Variants in NUP210L observed in about 807,000 individuals in gnomAD.
NUP210L encodes nucleoporin 210 like.
In NUP210L, 74 loss-of-function variants were observed where a neutral mutation model predicts 208.5. The observed-to-expected ratio is 0.35, with a 90% CI of 0.29 to 0.43. NUP210L has a LOEUF of 0.43. Among genes scored for constraint, NUP210L ranks in the 20% least tolerant of loss-of-function variants. The pLI is 1.00. For synonymous variants in NUP210L, 780 were observed against 816.9 expected (o/e 0.95, Z 0.77); for missense variants, 1,843 against 2,289.4 (o/e 0.81, Z 3.98).
chr1:154,124,848 A>T (rs1657802580), intron 10 of NUP210L, among the ~76,000 whole-genome samples: 1 of 152,154 alleles, frequency 6.6e-6, no homozygotes, highest in Non-Finnish European at 1.5e-5. Context: ...GCTACTTGGA[A>T]GGCTAAGGCA....
intron 34 of NUP210L, 97 bp from the exon 35 acceptor site, chr1:154,010,218 T>C: frequency 8.3e-7 from 1 of 1,206,530 alleles, no homozygotes; most frequent in Non-Finnish European, 1.2e-6. Flanking sequence ...ATAAAAAAAA[T>C]AAGCAAGAAA....
At chr1:154,064,085 G>A (rs1654275669) in intron 17 of NUP210L, among the ~76,000 whole-genome samples, 1 of 151,492 alleles carries the variant, frequency 6.6e-6, no homozygotes, top group Admixed American at 6.6e-5. Context: ...TAGAGGTGGT[G>A]GGGGGTCTCA....
chr1:153,995,903 C>T (rs777293697), intron 37 of NUP210L: 8 of 538,796 alleles, frequency 1.5e-5, no homozygotes, highest in South Asian at 4.3e-5. Flanking sequence ...CTCTCCTTAT[C>T]GAGGAGCAGA....
intron 35 of NUP210L, among the ~76,000 whole-genome samples, chr1:154,006,966 A>ATATATTT (rs1211789619): frequency 8.6e-6 from 1 of 115,806 alleles, no homozygotes; most frequent in Non-Finnish European, 1.7e-5. Context: ...ATATATATAT[A>ATATATTT]TTTTTTTTTT....
At chr1:154,031,580 T>A (rs1276906213) in intron 27 of NUP210L, among the ~76,000 whole-genome samples, 4 of 124,096 alleles carry the variant, frequency 3.2e-5, no homozygotes, top group African/African-American at 1.2e-4. Flanking sequence ...TCTGTCTCCA[T>A]GAGTTCAATT....
intron 11 of NUP210L, 32 bp downstream of exon 11, chr1:154,118,639 A>T (rs760871052): frequency 2.2e-6 from 3 of 1,360,522 alleles, no homozygotes; most frequent in South Asian, 4.0e-5. Context: ...AAACCGGCTT[A>T]TCTCCTTGTG....
chr1:154,061,624 C>T, exon 18 of NUP210L: 1 of 1,609,478 alleles, frequency 6.2e-7, no homozygotes, highest in Non-Finnish European at 8.5e-7. Context: ...ACAAAATTGA[C>T]TCCAATCAGT....
chr1:154,023,047 G>T, intron 31 of NUP210L, 75 bp downstream of exon 31: 1 of 1,327,502 alleles, frequency 7.5e-7, no homozygotes, highest in Non-Finnish European at 1.0e-6. Flanking sequence ...GAATTTACTG[G>T]AGCTGCTATA....
intron 16 of NUP210L, among the ~76,000 whole-genome samples, chr1:154,081,016 A>G (rs1351942389): frequency 1.3e-5 from 2 of 151,908 alleles, no homozygotes; most frequent in Admixed American, 1.3e-4. Context: ...AAAGAAAAAG[A>G]AGGAAGAAAT....
exon 40 of NUP210L, chr1:153,992,720 A>T (rs1649530711): frequency 1.4e-6 from 1 of 709,804 alleles, no homozygotes; most frequent in Non-Finnish European, 2.4e-6. Flanking sequence ...TGCTTTATTT[A>T]TAGTTCTCAG....
intron 7 of NUP210L, among the ~76,000 whole-genome samples, chr1:154,131,792 CT>C (rs1170045329): frequency 2.0e-5 from 3 of 151,812 alleles, no homozygotes; most frequent in African/African-American, 7.3e-5. Flanking sequence ...GTTTTTCTTT[CT>C]TTTTTTCTTT....
chr1:154,044,446 T>A (rs999684426), intron 27 of NUP210L, among the ~76,000 whole-genome samples: 18 of 151,160 alleles, frequency 1.2e-4, no homozygotes, highest in Non-Finnish European at 2.7e-4. Flanking sequence ...AAAAGCCAAA[T>A]CCTTACATTA....
chr1:154,152,918 T>C, intron 1 of NUP210L, 46 bp from the exon 2 acceptor site: 1 of 1,581,580 alleles, frequency 6.3e-7, no homozygotes, highest in South Asian at 1.1e-5. Flanking sequence ...TGGGTTAAAA[T>C]TAACTTTTAG....
intron 2 of NUP210L, among the ~76,000 whole-genome samples, chr1:154,149,087 C>CTTTTTTTTTTTTTTTTTTT (rs770217261): frequency 2.4e-4 from 29 of 119,326 alleles, no homozygotes; most frequent in Non-Finnish European, 3.1e-4. Flanking sequence ...GAAAACTTCT[C>CTTTTTTTTTTTTTTTTTTT]TTTTTTTTTT....
intron 37 of NUP210L, chr1:153,995,855 C>T: frequency 1.7e-6 from 1 of 588,346 alleles, no homozygotes; most frequent in Non-Finnish European, 3.3e-6. Context: ...TGTCGGGTTC[C>T]ATGTGTGCTA....
intron 17 of NUP210L, among the ~76,000 whole-genome samples, chr1:154,063,976 A>G (rs1472377467): frequency 6.7e-6 from 1 of 149,274 alleles, no homozygotes; most frequent in Non-Finnish European, 1.5e-5. Context: ...ATGATATGGT[A>G]TATTATACAT....
At chr1:154,104,325 C>A (rs570676101) in intron 12 of NUP210L, 115 bp from the exon 13 acceptor site, 2 of 767,522 alleles carry the variant, frequency 2.6e-6, no homozygotes, top group Admixed American at 2.2e-5. Flanking sequence ...TGCAGGAACA[C>A]CAAATTGAAT....
At chr1:154,142,515 C>T (rs2148146435) in intron 3 of NUP210L, among the ~76,000 whole-genome samples, 1 of 152,268 alleles carries the variant, frequency 6.6e-6, no homozygotes, top group African/African-American at 2.4e-5. Flanking sequence ...TCAAACAGAG[C>T]TAGCAATAAA....
chr1:154,113,515 TAAC>T (rs749770791), intron 12 of NUP210L, among the ~76,000 whole-genome samples: 16 of 152,020 alleles, frequency 1.1e-4, no homozygotes, highest in South Asian at 8.3e-4. Flanking sequence ...AATAAAACAA[TAAC>T]AACCACAAAA....
Sources: gnomAD v4.1 joint callset for allele counts (sites outside exome capture counted in the v4.1 genomes callset) on GRCh38, gnomAD v4.1.1 for gene constraint, MANE v1.5 for transcripts, NCBI Gene and HGNC (gene_info 2026-07-23, HGNC 2026-07-21) for gene names.